Variants in SLC35F2 observed in about 807,000 individuals in gnomAD.
SLC35F2 encodes the protein solute carrier family 35 member F2.
SLC35F2 carries 25 observed loss-of-function variants against 38.1 expected under a neutral mutation model. That is an observed-to-expected ratio of 0.66 (90% CI 0.48 to 0.92). The LOEUF (loss-of-function observed/expected upper bound fraction) is 0.92, where lower values mean the gene tolerates loss of function less well. Ranked by LOEUF, SLC35F2 falls within the 40% of genes least tolerant of loss-of-function variation. The pLI is 0.00. For missense variants in SLC35F2, 409 were observed against 452.9 expected (o/e 0.90, Z 0.88); for synonymous variants, 173 against 181.7 (o/e 0.95, Z 0.38).
intron 1 of SLC35F2, among the ~76,000 whole-genome samples, chr11:107,854,289 T>C (rs866246124): frequency 2.1e-5 from 3 of 145,582 alleles, no homozygotes; most frequent in South Asian, 4.3e-4. Flanking sequence ...AAAAAACTAG[T>C]AGTGCGTGGC....
chr11:107,843,814 T>C (rs1238845251), intron 1 of SLC35F2, among the ~76,000 whole-genome samples: 2 of 134,146 alleles, frequency 1.5e-5, no homozygotes, highest in South Asian at 2.4e-4. Context: ...CATGGCACTC[T>C]AGCCTGGGTG....
At chr11:107,803,865 G>A (rs558586924) in intron 6 of SLC35F2, among the ~76,000 whole-genome samples, 127 of 151,538 alleles carry the variant, frequency 8.4e-4, no homozygotes, top group Middle Eastern at 6.8e-3. Context: ...TCGCACTGTT[G>A]CCTGGGCTGG....
rs756287136 is a variant in SLC35F2 at position 107,806,645 on chromosome 11, T to C, written c.574+72A>G. The stretch of plus-strand genomic sequence containing the variant: ...AGAAATACTCCAGTAAACAAGTTTC[T>C]TTGTTGATATAAAAGTGAAAACATA... On this transcript the variant is annotated intron_variant, in intron 4 of 7. Coordinates refer to ENST00000525815, the MANE Select transcript of SLC35F2 (RefSeq NM_017515.5). 4 of 1,413,020 alleles carry C rather than the reference T, an allele frequency of 2.8e-6. No homozygotes were observed. In the Admixed American group the frequency reaches 6.8e-5, roughly 24 times the overall value. The allele number at this position is 1,413,020 out of a possible 1,614,324, so 87.5% of individuals were successfully genotyped here. A position where few individuals can be genotyped will look rare whatever the true frequency, so the allele number is the denominator to read the frequency against.
At chr11:107,813,178 C>T (rs1859509332) in intron 2 of SLC35F2, among the ~76,000 whole-genome samples, 1 of 152,176 alleles carries the variant, frequency 6.6e-6, no homozygotes, top group South Asian at 2.1e-4. Flanking sequence ...GGTGCGGTGG[C>T]TCACACCTGT....
At chr11:107,844,640 AT>A (rs1374600192) in intron 1 of SLC35F2, among the ~76,000 whole-genome samples, 1 of 146,318 alleles carries the variant, frequency 6.8e-6, no homozygotes, top group East Asian at 2.0e-4. Context: ...AAATAAATAA[AT>A]AAATAAATAA....
intron 1 of SLC35F2, among the ~76,000 whole-genome samples, chr11:107,840,301 C>A (rs1331902120): frequency 1.3e-5 from 2 of 152,192 alleles, no homozygotes; most frequent in African/African-American, 4.8e-5. Flanking sequence ...CAAGAGAGTA[C>A]ATCCCTGAGA....
chr11:107,810,406 A>G, intron 3 of SLC35F2: 1 of 984,996 alleles, frequency 1.0e-6, no homozygotes, highest in African/African-American at 1.7e-5. Flanking sequence ...TTAGTTAGAG[A>G]TCAAAGTTCC....
intron 1 of SLC35F2, among the ~76,000 whole-genome samples, chr11:107,832,728 C>T (rs1186284839): frequency 6.6e-6 from 1 of 152,086 alleles, no homozygotes; most frequent in Non-Finnish European, 1.5e-5. Flanking sequence ...ATCACCTGAC[C>T]CCAGGGAGTT....
chr11:107,826,993 A>AATATGAATATTGTATATACATATTGAT (rs1859762505), intron 1 of SLC35F2, among the ~76,000 whole-genome samples: 4 of 152,162 alleles, frequency 2.6e-5, no homozygotes, highest in African/African-American at 9.6e-5. Flanking sequence ...GTCCCCCTAC[A>AATATGAATATTGTATATACATATTGAT]ATATGAATAT....
intron 1 of SLC35F2, among the ~76,000 whole-genome samples, chr11:107,834,283 C>T (rs523750): frequency 0.53 from 80,850 of 151,944 alleles, 22,610 homozygotes; most frequent in African/African-American, 0.73. Flanking sequence ...TTTAAAGTAG[C>T]GAGTTAGAGT....
chr11:107,805,149 A>G (rs1186855292), intron 5 of SLC35F2: 3 of 985,292 alleles, frequency 3.0e-6, no homozygotes, highest in Non-Finnish European at 3.6e-6. Context: ...CACATGTTTA[A>G]GAAAATAGGA....
In SLC35F2 at chr11:107,792,516, G is replaced by C; in HGVS notation, c.*99C>G. ...CCACTGGATCCAACCCAGGGTTGTA[G>C]AGTGTCCATTCTGAGTCTGCTATTT... On this transcript the variant is annotated 3_prime_UTR_variant, in exon 8 of 8. Transcript: ENST00000525815. 2.9e-6 allele frequency: 4 copies of C among 1,374,718 alleles called. No homozygotes were observed. Among genetic ancestry groups the C allele is most frequent in the Non-Finnish European group, 3.9e-6 (4 of 1,023,154 alleles). The allele number at this position is 1,374,718 out of a possible 1,614,324, so 85.2% of individuals were successfully genotyped here.
intron 1 of SLC35F2, among the ~76,000 whole-genome samples, chr11:107,850,962 A>G (rs749949815): frequency 6.6e-6 from 1 of 152,106 alleles, no homozygotes; most frequent in Non-Finnish European, 1.5e-5. Context: ...AGCCTGGCCA[A>G]CATGGTGAAA....
At chr11:107,808,517 C>G (rs1337371326) in intron 3 of SLC35F2, among the ~76,000 whole-genome samples, 2 of 152,082 alleles carry the variant, frequency 1.3e-5, no homozygotes, top group Non-Finnish European at 2.9e-5. Flanking sequence ...TGTTTTATTG[C>G]TCACCCTTTT....
chr11:107,843,890 TA>T (rs1860060958), intron 1 of SLC35F2, among the ~76,000 whole-genome samples: 1 of 122,954 alleles, frequency 8.1e-6, no homozygotes, highest in Non-Finnish European at 1.7e-5. Context: ...TATATATATA[TA>T]TATATATATA....
chr11:107,816,571 GC>G (rs2134795200), intron 1 of SLC35F2, among the ~76,000 whole-genome samples: 1 of 151,532 alleles, frequency 6.6e-6, no homozygotes, highest in East Asian at 1.9e-4. Context: ...TCAAGGGTGA[GC>G]CATCGTGACT....
intron 3 of SLC35F2, among the ~76,000 whole-genome samples, chr11:107,807,293 CAAAA>C (rs71047626): frequency 1.5e-5 from 1 of 67,288 alleles, no homozygotes; most frequent in African/African-American, 4.1e-5. Context: ...AAAACAACAA[CAAAA>C]AAAAACCTTG....
chr11:107,809,262 T>A (rs1399452687), intron 3 of SLC35F2, among the ~76,000 whole-genome samples: 1 of 143,556 alleles, frequency 7.0e-6, no homozygotes, highest in Non-Finnish European at 1.5e-5. Flanking sequence ...GGCCGGAGGA[T>A]CACTTGAGGT....
intron 1 of SLC35F2, among the ~76,000 whole-genome samples, chr11:107,834,133 T>C (rs928141067): frequency 2.6e-5 from 4 of 152,166 alleles, no homozygotes; most frequent in African/African-American, 9.6e-5. Flanking sequence ...GGTTAACTCC[T>C]TGCGGAAGGG....
Sources: gnomAD v4.1 joint callset for allele counts (sites outside exome capture counted in the v4.1 genomes callset) on GRCh38, gnomAD v4.1.1 for gene constraint, MANE v1.5 for transcripts, NCBI Gene and HGNC (gene_info 2026-07-23, HGNC 2026-07-21) for gene names.